FRMPD4: variants seen among roughly 807,000 people sequenced by gnomAD.
The protein encoded by FRMPD4 is FERM and PDZ domain containing 4, also known as FERM and PDZ domain-containing protein 4.
FRMPD4 carries 22 observed loss-of-function variants against 94.1 expected under a neutral mutation model. The observed-to-expected ratio is 0.23, with a 90% CI of 0.17 to 0.33. The LOEUF is 0.33. Ranked by LOEUF, FRMPD4 falls within the 10% of genes least tolerant of loss-of-function variation. FRMPD4 has a pLI of 1.00. For missense variants in FRMPD4, 1,111 were observed against 1,339.9 expected (o/e 0.83, Z 2.67); for synonymous variants, 631 against 548.6 (o/e 1.15, Z -2.10).
chrX:12,718,668 A>G lies in FRMPD4; in HGVS notation c.3842A>G (p.Gln1281Arg), dbSNP rs766249578. 2 of 1,208,861 alleles carry G rather than the reference A, an allele frequency of 1.7e-6. No individual in the cohort carries two copies. Among genetic ancestry groups the G allele is most frequent in the Non-Finnish European group, 2.2e-6 (2 of 892,584 alleles). ...GCCACCTTTAAGGAACTGCACCCACAGACAGAAGGGATGTGTCCACGGATG... is the reference window on the plus strand; with the variant it reads ...GCCACCTTTAAGGAACTGCACCCACGGACAGAAGGGATGTGTCCACGGATG... The part of the protein sequence containing the change: ...HGATFKELHP[Q>R]TEGMCPRMTV... Residue 1281 changes from glutamine to arginine, a missense_variant, in exon 16 of 17, where the codon CAG becomes CGG. By Grantham distance (43) the Gln-to-Arg change is conservative. This residue lies in a region of FRMPD4 where 551 missense variants were observed against 591.6 expected (regional missense o/e 0.93). Transcript: ENST00000675598.
intron 1 of FRMPD4, among the ~76,000 whole-genome samples, chrX:12,158,945 C>T (rs1225855979): frequency 9.8e-5 from 11 of 112,210 alleles, no homozygotes; most frequent in Non-Finnish European, 1.5e-4. Flanking sequence ...GGCAGAGAAG[C>T]TGTTGCATAG....
chrX:12,237,166 TA>T (rs2057079494), intron 1 of FRMPD4, among the ~76,000 whole-genome samples: 1 of 112,541 alleles, frequency 8.9e-6, no homozygotes. Flanking sequence ...TTTAATTGAA[TA>T]AAAAATAATG....
At chrX:11,878,635 G>A (rs2053798053) in intron 3 of FRMPD4, among the ~76,000 whole-genome samples, 1 of 112,163 alleles carries the variant, frequency 8.9e-6, no homozygotes, top group Non-Finnish European at 1.9e-5. Context: ...GACTATTGCT[G>A]AATGGCTTAT....
intron 1 of FRMPD4, among the ~76,000 whole-genome samples, chrX:12,168,770 C>A (rs1337863443): frequency 9.2e-6 from 1 of 108,847 alleles, no homozygotes; most frequent in African/African-American, 3.4e-5. Context: ...GGACTACAGG[C>A]GCCCACCACC....
Position 12,553,460 on chromosome X carries a change from A to ATATATATATATATATATG in FRMPD4, c.158+54671_158+54672insATATATATATGTATATAT, listed in dbSNP as rs769330484. ...TATATATATATATATATATATATATATATATATCTAATCCACTAATTTATT... is the reference window on the plus strand; with the variant it reads ...TATATATATATATATATATATATATATATATATATATATATATGTATATATCTAATCCACTAATTTATT... On this transcript the variant is annotated intron_variant, in intron 2 of 16. Transcript: ENST00000675598. Among the ~76,000 whole-genome samples the ATATATATATATATATATG allele has an allele frequency of 1.7e-3, 142 of 81,514 alleles. 1 individual carries two copies. The highest frequency in any genetic ancestry group is 6.7e-3 in the African/African-American group (133 of 19,976). 70.8% of individuals were successfully genotyped at this position (81,514 alleles called of 115,157 possible).
intron 2 of FRMPD4, among the ~76,000 whole-genome samples, chrX:12,554,510 G>A (rs1481176446): frequency 8.9e-6 from 1 of 112,313 alleles, no homozygotes; most frequent in African/African-American, 3.2e-5. Flanking sequence ...GATTAAAATA[G>A]AAAATACAGT....
Position 12,229,009 on chromosome X carries a change from CTT to C in FRMPD4, c.41+89998_41+89999del, listed in dbSNP as rs1479025159. Among the ~76,000 whole-genome samples the C allele has an allele frequency of 5.4e-5, 6 of 112,118 alleles. No homozygotes were observed. In the Admixed American group the frequency reaches 5.7e-4, roughly 11 times the overall value. On this transcript the variant is annotated intron_variant, in intron 1 of 16. Transcript: ENST00000675598. ...TGGAAGATAAATTAGTTTTTTATCT[CTT>C]GTTTTCACAAATCATATATCAAAAT...
At chrX:12,166,957 T>G (rs2056130966) in intron 1 of FRMPD4, among the ~76,000 whole-genome samples, 1 of 111,333 alleles carries the variant, frequency 9.0e-6, no homozygotes, top group Admixed American at 9.5e-5. Flanking sequence ...TCTTTATTAG[T>G]CTTGCTAGTG....
chrX:11,903,886 G>A (rs1468296671), intron 3 of FRMPD4, among the ~76,000 whole-genome samples: 1 of 111,255 alleles, frequency 9.0e-6, no homozygotes, highest in Non-Finnish European at 1.9e-5. Flanking sequence ...CTCAGGCAAT[G>A]CTCTCAGCTC....
At chrX:12,420,509 C>T (rs191118043) in intron 1 of FRMPD4, among the ~76,000 whole-genome samples, 51 of 112,003 alleles carry the variant, frequency 4.6e-4, no homozygotes, top group Non-Finnish European at 8.3e-4. Context: ...CCTGCCCTCC[C>T]TCGGCATTCT....
At chrX:12,221,981 C>T (rs7886206) in intron 1 of FRMPD4, among the ~76,000 whole-genome samples, 46,417 of 110,411 alleles carry the variant, frequency 0.42, 7,070 homozygotes, top group East Asian at 0.47. Context: ...TACATATTTA[C>T]ATGGCATAAC....
At chrX:11,972,453 A>G (rs113133951) in intron 3 of FRMPD4, among the ~76,000 whole-genome samples, 4 of 112,468 alleles carry the variant, frequency 3.6e-5, no homozygotes, top group African/African-American at 1.3e-4. Context: ...ATTGCAGAGG[A>G]GTTTTCCAGG....
intron 4 of FRMPD4, among the ~76,000 whole-genome samples, chrX:12,627,842 G>A (rs756449310): frequency 2.7e-5 from 3 of 111,963 alleles, no homozygotes; most frequent in Non-Finnish European, 3.8e-5. Context: ...ACTACTGAAT[G>A]TCTTAACATC....
chrX:12,399,335 T>C (rs1012332497), intron 1 of FRMPD4, among the ~76,000 whole-genome samples: 7 of 111,746 alleles, frequency 6.3e-5, no homozygotes, highest in Non-Finnish European at 5.6e-5. Flanking sequence ...CTATAGATAT[T>C]AGTGTAGCTA....
chrX:12,222,534 G>C (rs1411516479), intron 1 of FRMPD4, among the ~76,000 whole-genome samples: 1 of 111,823 alleles, frequency 8.9e-6, no homozygotes, highest in Non-Finnish European at 1.9e-5. Context: ...ACCATTTTAA[G>C]TGCAGAGTTT....
At chrX:12,424,356 G>A (rs2056921942) in intron 1 of FRMPD4, among the ~76,000 whole-genome samples, 1 of 112,654 alleles carries the variant, frequency 8.9e-6, no homozygotes, top group African/African-American at 3.2e-5. Context: ...TATATAATAT[G>A]CTATTCCTTG....
At chrX:11,904,760 A>G (rs2053958500) in intron 3 of FRMPD4, among the ~76,000 whole-genome samples, 1 of 112,161 alleles carries the variant, frequency 8.9e-6, no homozygotes, top group South Asian at 3.8e-4. Flanking sequence ...CTTTAATGTC[A>G]AGACTCTGAA....
chrX:12,200,679 A>T (rs746989729), intron 1 of FRMPD4, among the ~76,000 whole-genome samples: 21 of 111,246 alleles, frequency 1.9e-4, no homozygotes, highest in African/African-American at 6.9e-4. Context: ...ATAATGAGTT[A>T]TGGTGAAACT....
At chrX:12,444,971 A>T (rs186574455) in intron 1 of FRMPD4, among the ~76,000 whole-genome samples, 2 of 111,962 alleles carry the variant, frequency 1.8e-5, no homozygotes, top group East Asian at 5.6e-4. Context: ...AACCATCCTG[A>T]CCTGAGTTTG....
Sources: gnomAD v4.1 joint callset for allele counts (sites outside exome capture counted in the v4.1 genomes callset) on GRCh38, gnomAD v4.1.1 for gene constraint, gnomAD v4.1.1 regional missense constraint, MANE v1.5 for transcripts, NCBI Gene and HGNC (gene_info 2026-07-23, HGNC 2026-07-21) for gene names.